CAMK1D: variants seen among roughly 807,000 people sequenced by gnomAD.
The protein encoded by CAMK1D is calcium/calmodulin dependent protein kinase ID.
CAMK1D carries 9 observed loss-of-function variants against 47.7 expected under a neutral mutation model. The observed-to-expected ratio is 0.19, with a 90% CI of 0.11 to 0.33. The LOEUF (loss-of-function observed/expected upper bound fraction) is 0.33, where lower values mean the gene tolerates loss of function less well. CAMK1D is among the 10% of genes least tolerant of loss of function. The pLI, the probability that CAMK1D is intolerant of heterozygous loss-of-function variation, is 1.00. For synonymous variants in CAMK1D, 184 were observed against 184.9 expected (o/e 0.99, Z 0.04); for missense variants, 291 against 488.7 (o/e 0.60, Z 3.81).
intron 1 of CAMK1D, among the ~76,000 whole-genome samples, chr10:12,424,220 TGTGA>T (rs1459716490): frequency 2.6e-5 from 4 of 152,078 alleles, no homozygotes; most frequent in Non-Finnish European, 5.9e-5. Flanking sequence ...GCAAGCCCAG[TGTGA>T]GTCTAAGTGA....
intron 1 of CAMK1D, among the ~76,000 whole-genome samples, chr10:12,488,066 C>T (rs921329614): frequency 1.2e-4 from 18 of 152,130 alleles, no homozygotes; most frequent in Admixed American, 4.6e-4. Flanking sequence ...GCCATCATTC[C>T]CTCTAATTCT....
rs530156507 is a variant in CAMK1D at position 12,363,390 on chromosome 10, G to C, written c.92+13480G>C. 8.6e-5 allele frequency among the ~76,000 whole-genome samples: 13 copies of C among 152,032 alleles called. No homozygotes were observed. The South Asian group carries it at 2.7e-3, about 32-fold the overall frequency. On this transcript the variant is annotated intron_variant, in intron 1 of 10. Transcript: ENST00000619168. ...CTGCCTCAACCTTCCAAGTAGCCGG[G>C]ATTACAGGTGCCCACCACCATGCCT...
intron 1 of CAMK1D, among the ~76,000 whole-genome samples, chr10:12,403,572 T>G (rs1406271976): frequency 6.6e-6 from 1 of 152,206 alleles, no homozygotes; most frequent in Non-Finnish European, 1.5e-5. Context: ...TGAATGTAAA[T>G]CTGGGATGCA....
At chr10:12,734,344 AAATAT>A (rs1835039574) in intron 3 of CAMK1D, among the ~76,000 whole-genome samples, 2 of 7,022 alleles carry the variant, frequency 2.8e-4, no homozygotes, top group Non-Finnish European at 3.2e-4. Context: ...AAAAAAAAAA[AAATAT>A]ATATATATAT....
Position 12,579,399 on chromosome 10 carries a change from A to G in CAMK1D, c.224+26043A>G, listed in dbSNP as rs117636217. Among the ~76,000 whole-genome samples the G allele has an allele frequency of 2.2e-4, 34 of 152,046 alleles. 1 individual carries two copies. The East Asian group carries it at 4.6e-3, about 21-fold the overall frequency. The stretch of plus-strand genomic sequence containing the variant: ...CTCCACTTCTTCTCATCCATCATGT[A>G]TTACTTAAGCCAATTTAATCATGTA... On this transcript the variant is annotated intron_variant, in intron 2 of 10. Coordinates refer to ENST00000619168, the MANE Select transcript of CAMK1D (RefSeq NM_153498.4).
At chr10:12,694,686 C>T (rs1833188430) in intron 3 of CAMK1D, among the ~76,000 whole-genome samples, 1 of 148,770 alleles carries the variant, frequency 6.7e-6, no homozygotes. Context: ...TTGAAAGACT[C>T]CTAAACTGCC....
intron 1 of CAMK1D, among the ~76,000 whole-genome samples, chr10:12,454,916 A>G (rs542876273): frequency 6.6e-6 from 1 of 152,334 alleles, no homozygotes; most frequent in Middle Eastern, 3.4e-3. Flanking sequence ...TAATGCAAGC[A>G]AGTTTCATAC....
intron 1 of CAMK1D, among the ~76,000 whole-genome samples, chr10:12,508,009 G>A (rs1834929692): frequency 6.6e-6 from 1 of 152,172 alleles, no homozygotes; most frequent in Non-Finnish European, 1.5e-5. Context: ...CCTGGGTCCT[G>A]TCCCTGGCGC....
At chr10:12,489,769 T>C (rs1207459730) in intron 1 of CAMK1D, among the ~76,000 whole-genome samples, 2 of 152,204 alleles carry the variant, frequency 1.3e-5, no homozygotes, top group Non-Finnish European at 2.9e-5. Context: ...CCATCATTTC[T>C]GAGCTGTTAT....
chr10:12,715,541 G>T (rs536036179), intron 3 of CAMK1D, among the ~76,000 whole-genome samples: 1 of 152,268 alleles, frequency 6.6e-6, no homozygotes, highest in Non-Finnish European at 1.5e-5. Context: ...ACAATACAAG[G>T]CTCAAATTAT....
chr10:12,690,419 G>A (rs1366435225), intron 3 of CAMK1D, among the ~76,000 whole-genome samples: 1 of 152,172 alleles, frequency 6.6e-6, no homozygotes, highest in Non-Finnish European at 1.5e-5. Flanking sequence ...GGAGGGCGAA[G>A]TTGTTATTTA....
intron 3 of CAMK1D, among the ~76,000 whole-genome samples, chr10:12,679,572 GT>G (rs1840922718): frequency 6.6e-6 from 1 of 152,154 alleles, no homozygotes; most frequent in Non-Finnish European, 1.5e-5. Context: ...TTGCATTTCT[GT>G]TTGATGACTT....
chr10:12,761,566 A>C (rs907517057), intron 4 of CAMK1D, among the ~76,000 whole-genome samples: 2 of 152,118 alleles, frequency 1.3e-5, no homozygotes, highest in African/African-American at 2.4e-5. Context: ...GAGGGAGAAG[A>C]GAAATAGAAG....
At chr10:12,702,879 G>T (rs1462335193) in intron 3 of CAMK1D, among the ~76,000 whole-genome samples, 1 of 152,196 alleles carries the variant, frequency 6.6e-6, no homozygotes, top group African/African-American at 2.4e-5. Context: ...AGGTCATCAG[G>T]AGTGCGCATG....
Position 12,520,958 on chromosome 10 carries a change from G to A in CAMK1D, c.93-32267G>A, listed in dbSNP as rs1409953422. On this transcript the variant is annotated intron_variant, in intron 1 of 10. Transcript: ENST00000619168. ...GGAGAGGGAGAGGGAGGGGGAGGGG[G>A]AGGGGGAGGGGGAGAGCTTTATTCA... 5.2e-5 allele frequency among the ~76,000 whole-genome samples: 7 copies of A among 135,710 alleles called. 3 individuals are homozygous for A. The highest frequency in any genetic ancestry group is 1.1e-4 in the Non-Finnish European group (7 of 63,374). The allele number at this position is 135,710 out of a possible 152,430, so 89.0% of individuals were successfully genotyped here.
At chr10:12,609,801 G>C (rs1470584583) in intron 2 of CAMK1D, among the ~76,000 whole-genome samples, 1 of 152,150 alleles carries the variant, frequency 6.6e-6, no homozygotes. Flanking sequence ...GGACCCCTGA[G>C]AACATGTGTT....
At chr10:12,638,740 C>T (rs887299182) in intron 2 of CAMK1D, among the ~76,000 whole-genome samples, 11 of 152,318 alleles carry the variant, frequency 7.2e-5, no homozygotes, top group East Asian at 5.8e-4. Context: ...TTGCATCCCA[C>T]GTAGGCTGTG....
chr10:12,478,459 CCTGT>C (rs1485136283), intron 1 of CAMK1D, among the ~76,000 whole-genome samples: 2 of 151,984 alleles, frequency 1.3e-5, no homozygotes, highest in Non-Finnish European at 2.9e-5. Flanking sequence ...GTACCACCAT[CCTGT>C]CTAATTTTTT....
At chr10:12,448,300 C>T (rs376913727) in intron 1 of CAMK1D, among the ~76,000 whole-genome samples, 1 of 151,176 alleles carries the variant, frequency 6.6e-6, no homozygotes, top group African/African-American at 2.4e-5. Flanking sequence ...GTTGGGATTA[C>T]AAGCGTGAGC....
Sources: gnomAD v4.1 joint callset for allele counts (sites outside exome capture counted in the v4.1 genomes callset) on GRCh38, gnomAD v4.1.1 for gene constraint, MANE v1.5 for transcripts, NCBI Gene and HGNC (gene_info 2026-07-23, HGNC 2026-07-21) for gene names.